Variants in SDCCAG8 observed in about 807,000 individuals in gnomAD.
The protein encoded by SDCCAG8 is serologically defined colon cancer antigen 8.
SDCCAG8 carries 74 observed loss-of-function variants against 101.8 expected under a neutral mutation model. That is an observed-to-expected ratio of 0.73 (90% CI 0.60 to 0.88). The LOEUF is 0.88. Ranked by LOEUF, SDCCAG8 falls within the 40% of genes least tolerant of loss-of-function variation. The pLI, the probability that SDCCAG8 is intolerant of heterozygous loss-of-function variation, is 0.00. For synonymous variants in SDCCAG8, 281 were observed against 292.9 expected, an observed-to-expected ratio of 0.96 and a Z score of 0.41; for missense variants, 787 against 822.6, an observed-to-expected ratio of 0.96 and a Z score of 0.53.
At chr1:243,285,120 A>T (rs987337645) in intron 4 of SDCCAG8, among the ~76,000 whole-genome samples, 2 of 152,126 alleles carry the variant, frequency 1.3e-5, no homozygotes, top group Non-Finnish European at 2.9e-5. Context: ...TGACCTCATG[A>T]TCTGCCCACC....
intron 12 of SDCCAG8, among the ~76,000 whole-genome samples, chr1:243,357,526 T>G (rs144760303): frequency 1.3e-5 from 2 of 152,328 alleles, no homozygotes; most frequent in East Asian, 3.9e-4. Context: ...CTTTAATAAC[T>G]TAGTCCACCT....
At chr1:243,402,412 A>G (rs967145255) in intron 13 of SDCCAG8, among the ~76,000 whole-genome samples, 5 of 152,238 alleles carry the variant, frequency 3.3e-5, no homozygotes, top group African/African-American at 4.8e-5. Flanking sequence ...CAATTAAAAA[A>G]AAAAAAAAAA....
intron 6 of SDCCAG8, among the ~76,000 whole-genome samples, chr1:243,294,125 G>A (rs545584432): frequency 1.3e-5 from 2 of 152,208 alleles, no homozygotes; most frequent in Admixed American, 1.3e-4. Context: ...GGTTTCTCGA[G>A]CGTAGTTTCT....
At chr1:243,357,113 C>T (rs941422686) in intron 12 of SDCCAG8, among the ~76,000 whole-genome samples, 3 of 152,220 alleles carry the variant, frequency 2.0e-5, no homozygotes, top group Admixed American at 6.5e-5. Flanking sequence ...GGTGTGGTGG[C>T]TTATGCCTGT....
At chr1:243,352,959 A>G (rs1305133008) in intron 12 of SDCCAG8, among the ~76,000 whole-genome samples, 1 of 152,196 alleles carries the variant, frequency 6.6e-6, no homozygotes, top group Admixed American at 6.5e-5. Context: ...TTAGATTTTG[A>G]GAACAGCCAC....
chr1:243,292,644 C>G (rs548302242), intron 5 of SDCCAG8, among the ~76,000 whole-genome samples: 53 of 152,248 alleles, frequency 3.5e-4, no homozygotes, highest in Admixed American at 7.8e-4. Flanking sequence ...CTATCTATCC[C>G]ATAGAACTGT....
chr1:243,323,800 T>C (rs886913376), intron 9 of SDCCAG8, among the ~76,000 whole-genome samples: 2 of 152,194 alleles, frequency 1.3e-5, no homozygotes, highest in African/African-American at 4.8e-5. Flanking sequence ...TCAATCCTCA[T>C]TGGACTTAAA....
intron 16 of SDCCAG8, among the ~76,000 whole-genome samples, chr1:243,454,993 C>G (rs1437451590): frequency 6.6e-6 from 1 of 152,124 alleles, no homozygotes; most frequent in East Asian, 1.9e-4. Context: ...TCTAACTGTT[C>G]ATTTGTTTTC....
Position 243,346,649 on chromosome 1 carries a change from C to T in SDCCAG8, c.1473+2318C>T, listed in dbSNP as rs983055684. On this transcript the variant is annotated intron_variant, in intron 12 of 17. Coordinates refer to ENST00000366541, the MANE Select transcript of SDCCAG8 (RefSeq NM_006642.5). The stretch of plus-strand genomic sequence containing the variant: ...AGGTTAGGAGAGTAACAATGGCAGT[C>T]GCTTCCACCCACTTTCTTCTTTTCT... Among the ~76,000 whole-genome samples, 6 of 152,158 alleles carry T rather than the reference C, an allele frequency of 3.9e-5. No individual in the cohort carries two copies. The East Asian group carries it at 5.8e-4, about 15-fold the overall frequency.
At chr1:243,426,778 G>GA (rs1287760302) in intron 16 of SDCCAG8, among the ~76,000 whole-genome samples, 2 of 152,140 alleles carry the variant, frequency 1.3e-5, no homozygotes, top group Admixed American at 6.5e-5. Context: ...GTTATTCTCT[G>GA]AAGACATAGA....
chr1:243,472,458 A>G (rs941520839), intron 16 of SDCCAG8, among the ~76,000 whole-genome samples: 7 of 152,216 alleles, frequency 4.6e-5, no homozygotes, highest in Non-Finnish European at 7.3e-5. Flanking sequence ...ATGGGGGCAG[A>G]GTGCCCTTCC....
intron 17 of SDCCAG8, among the ~76,000 whole-genome samples, chr1:243,491,513 G>A (rs899073901): frequency 1.3e-5 from 2 of 152,226 alleles, no homozygotes; most frequent in Admixed American, 6.5e-5. Context: ...AGTGGTCAGA[G>A]AGGAGGCAGG....
intron 12 of SDCCAG8, among the ~76,000 whole-genome samples, chr1:243,355,239 T>G (rs1425620785): frequency 1.3e-5 from 2 of 152,218 alleles, no homozygotes; most frequent in African/African-American, 4.8e-5. Flanking sequence ...CCTGAAAATT[T>G]CTGGAGTTTC....
chr1:243,493,541 T>C (rs1375083630), intron 17 of SDCCAG8, among the ~76,000 whole-genome samples: 2 of 152,070 alleles, frequency 1.3e-5, no homozygotes. Flanking sequence ...CGTCGTATCC[T>C]GAGCAGGCTG....
At chr1:243,311,098 A>G (rs1213239400) in intron 8 of SDCCAG8, among the ~76,000 whole-genome samples, 1 of 152,192 alleles carries the variant, frequency 6.6e-6, no homozygotes, top group Admixed American at 6.5e-5. Flanking sequence ...ACTCAAGTAC[A>G]TGCATAATGG....
At chr1:243,262,949 A>T (rs2067302291) in intron 1 of SDCCAG8, among the ~76,000 whole-genome samples, 1 of 152,226 alleles carries the variant, frequency 6.6e-6, no homozygotes, top group African/African-American at 2.4e-5. Flanking sequence ...ATAAAGCTAA[A>T]TATGAATCTG....
intron 12 of SDCCAG8, among the ~76,000 whole-genome samples, chr1:243,366,697 A>G (rs1185396591): frequency 3.3e-5 from 5 of 152,020 alleles, no homozygotes; most frequent in Admixed American, 6.6e-5. Flanking sequence ...TGTACCTTAG[A>G]TGTGTCATTG....
intron 16 of SDCCAG8, among the ~76,000 whole-genome samples, chr1:243,449,046 GTAA>G (rs1393623534): frequency 6.6e-6 from 1 of 152,176 alleles, no homozygotes; most frequent in African/African-American, 2.4e-5. Context: ...CTATTATGAA[GTAA>G]TAAAAATCTA....
intron 12 of SDCCAG8, among the ~76,000 whole-genome samples, chr1:243,358,469 G>A (rs957781955): frequency 5.3e-5 from 8 of 152,160 alleles, no homozygotes; most frequent in East Asian, 1.9e-4. Context: ...AACAAGTGTC[G>A]GTGAGGATGT....
Sources: gnomAD v4.1 joint callset for allele counts (sites outside exome capture counted in the v4.1 genomes callset) on GRCh38, gnomAD v4.1.1 for gene constraint, MANE v1.5 for transcripts, NCBI Gene and HGNC (gene_info 2026-07-23, HGNC 2026-07-21) for gene names.